STX16: variants seen among roughly 807,000 people sequenced by gnomAD.
The protein encoded by STX16 is syntaxin-16.
In STX16, 28 loss-of-function variants were observed where a neutral mutation model predicts 42.7. The ratio of observed to expected loss-of-function variants is 0.66; its 90% CI spans 0.49 to 0.90. The LOEUF is 0.90. Among genes scored for constraint, STX16 ranks in the 40% least tolerant of loss-of-function variants. STX16 has a pLI of 0.00. For missense variants in STX16, 361 were observed against 420.9 expected (o/e 0.86, Z 1.24); for synonymous variants, 156 against 155.2 (o/e 1.00, Z -0.04).
chr20:58,670,453 T>C (rs2083941217), intron 5 of STX16, 59 bp from the exon 6 acceptor site: 7 of 1,364,538 alleles, frequency 5.1e-6, no homozygotes, highest in South Asian at 4.7e-5. Context: ...CTTTTAATGG[T>C]AGAACAATAC....
chr20:58,656,002 A>T (rs1452346185), intron 1 of STX16, among the ~76,000 whole-genome samples: 3 of 152,136 alleles, frequency 2.0e-5, no homozygotes, highest in Non-Finnish European at 4.4e-5. Context: ...GTGCCCCATC[A>T]CGTTCATGCC....
intron 2 of STX16, among the ~76,000 whole-genome samples, chr20:58,661,045 G>A (rs896803938): frequency 1.2e-4 from 18 of 152,094 alleles, no homozygotes; most frequent in African/African-American, 4.3e-4. Flanking sequence ...CCAGCTCCCC[G>A]CCTGGGCACG....
chr20:58,669,512 C>T, intron 5 of STX16, 59 bp downstream of exon 5: 1 of 1,541,804 alleles, frequency 6.5e-7, no homozygotes, highest in Non-Finnish European at 8.7e-7. Flanking sequence ...TTTATGTTTT[C>T]TTTTTTGCCA....
intron 4 of STX16, 45 bp from the exon 5 acceptor site, chr20:58,669,246 G>T (rs375313808): frequency 1.8e-5 from 28 of 1,597,828 alleles, no homozygotes; most frequent in African/African-American, 1.6e-4. Flanking sequence ...TAGCAGAGGG[G>T]CTTCTCTCCC....
intron 2 of STX16, among the ~76,000 whole-genome samples, chr20:58,661,086 A>AG (rs1024045937): frequency 6.6e-6 from 1 of 151,984 alleles, no homozygotes; most frequent in Admixed American, 6.6e-5. Context: ...GGGCTTGGAG[A>AG]GCAGGCGTTC....
In STX16 at chr20:58,651,525, G is replaced by A. The variant is rs1220385097; in HGVS notation, c.-482G>A. 4 of 158,888 alleles carry A rather than the reference G, an allele frequency of 2.5e-5. No homozygotes were observed. Among genetic ancestry groups the A allele is most frequent in the African/African-American group, 9.6e-5 (4 of 41,504 alleles). The allele number at this position is 158,888 out of a possible 1,614,324, so 9.8% of individuals were successfully genotyped here. On this transcript the variant is annotated 5_prime_UTR_variant, in exon 1 of 9. Transcript: ENST00000371141. ...GTTGTCCAAAGAGGGCCTAGGCCAG[G>A]CCTCTGGTGCGGAAACTGAGTCACA...
At chr20:58,653,021 C>A (rs2083506448) in intron 1 of STX16, among the ~76,000 whole-genome samples, 1 of 152,154 alleles carries the variant, frequency 6.6e-6, no homozygotes, top group Non-Finnish European at 1.5e-5. Context: ...AGGGGCGAGT[C>A]TGGATGATCT....
At chr20:58,667,354 G>T in intron 2 of STX16, 136 bp from the exon 3 acceptor site, 1 of 778,456 alleles carries the variant, frequency 1.3e-6, no homozygotes. Context: ...TATTTTCAGG[G>T]AGCAACATTT....
At position 58,671,301 on chromosome 20, in the gene STX16, C is replaced by T. The variant is rs1177402816; in HGVS notation, c.792+4C>T. ...AGGGGCGATGATTGTAGAACAGGTACGTGAGCTGGCCTTCCTCGTGAATAG... is the reference window on the plus strand; with the variant it reads ...AGGGGCGATGATTGTAGAACAGGTATGTGAGCTGGCCTTCCTCGTGAATAG... On this transcript the variant is annotated splice_donor_region_variant and intron_variant, in intron 7 of 8. Coordinates refer to ENST00000371141, the MANE Select transcript of STX16 (RefSeq NM_001001433.3). 3.1e-6 allele frequency: 5 copies of T among 1,602,376 alleles called. No individual in the cohort carries two copies. The highest frequency in any genetic ancestry group is 1.7e-5 in the Admixed American group (1 of 59,464).
chr20:58,671,114 G>A (rs2083957894), intron 6 of STX16, 40 bp from the exon 7 acceptor site: 2 of 1,557,016 alleles, frequency 1.3e-6, no homozygotes. Flanking sequence ...TCCTGAGAGG[G>A]AAAACAATCT....
At chr20:58,659,933 A>C (rs953851167) in intron 2 of STX16, among the ~76,000 whole-genome samples, 1 of 152,238 alleles carries the variant, frequency 6.6e-6, no homozygotes, top group Non-Finnish European at 1.5e-5. Flanking sequence ...GAATGTTTTG[A>C]GAATTAATGT....
chr20:58,653,417 G>T (rs527304078), intron 1 of STX16, among the ~76,000 whole-genome samples: 1 of 152,254 alleles, frequency 6.6e-6, no homozygotes, highest in Admixed American at 6.5e-5. Context: ...CCGTGTGAGC[G>T]GTTTCAGGAA....
chr20:58,660,489 A>G lies in STX16; in HGVS notation c.144+855A>G, dbSNP rs533290599. 2.6e-5 allele frequency among the ~76,000 whole-genome samples: 4 copies of G among 152,274 alleles called. No individual in the cohort carries two copies. The East Asian group carries it at 7.7e-4, about 29-fold the overall frequency. The stretch of plus-strand genomic sequence containing the variant: ...CTAACTAGTAGATTCAGATCTACCT[A>G]TATATTCTAAAAACCTTAACTAGTT... On this transcript the variant is annotated intron_variant, in intron 2 of 8. Coordinates refer to ENST00000371141, the MANE Select transcript of STX16 (RefSeq NM_001001433.3).
Position 58,676,298 on chromosome 20 carries a change from T to C in STX16, c.*7T>C, listed in dbSNP as rs1219324166. 2.5e-6 allele frequency: 4 copies of C among 1,613,098 alleles called. No homozygotes were observed. In the African/African-American group the frequency reaches 4.0e-5, roughly 16 times the overall value. ...TGGCGTGAAGTCTCGATAAGTGGCATTGGGTTTTCGTGTGTGCCGCGCGTG... is the reference window on the plus strand; with the variant it reads ...TGGCGTGAAGTCTCGATAAGTGGCACTGGGTTTTCGTGTGTGCCGCGCGTG... On this transcript the variant is annotated 3_prime_UTR_variant, in exon 9 of 9. Coordinates refer to ENST00000371141, the MANE Select transcript of STX16 (RefSeq NM_001001433.3).
Position 58,677,400 on chromosome 20 carries a change from C to G in STX16, c.*1109C>G, listed in dbSNP as rs908418591. Reference sequence around the variant, plus strand: ...AATGCCCAGGAAGCAGGCACATTGCCAAGGACTGGGGGCATCTTGACTAGG... The same window carrying G: ...AATGCCCAGGAAGCAGGCACATTGCGAAGGACTGGGGGCATCTTGACTAGG... On this transcript the variant is annotated 3_prime_UTR_variant, in exon 9 of 9. Transcript: ENST00000371141. 5 of 152,638 alleles carry G rather than the reference C, an allele frequency of 3.3e-5. No homozygotes were observed. Among genetic ancestry groups the G allele is most frequent in the Admixed American group, 2.0e-4 (3 of 15,290 alleles). 9.5% of individuals were successfully genotyped at this position (152,638 alleles called of 1,614,324 possible).
chr20:58,669,230 C>A, intron 4 of STX16, 61 bp from the exon 5 acceptor site: 1 of 1,556,974 alleles, frequency 6.4e-7, no homozygotes, highest in Non-Finnish European at 8.7e-7. Context: ...TGTGATGTGG[C>A]AGTGTTAGCA....
Position 58,651,850 on chromosome 20 carries a change from G to A in STX16, c.-157G>A, listed in dbSNP as rs1227942157. 1.4e-6 allele frequency: 1 copy of A among 732,652 alleles called. No individual in the cohort carries two copies. Among genetic ancestry groups the A allele is most frequent in the African/African-American group, 1.7e-5 (1 of 57,162 alleles). The allele number at this position is 732,652 out of a possible 1,614,324, so 45.4% of individuals were successfully genotyped here. ...TGGGGAGGGGTCTCTACGCCTTGGC[G>A]AAGCGCACAGCTGCATCTTTTTGGC... On this transcript the variant is annotated 5_prime_UTR_variant, in exon 1 of 9. Coordinates refer to ENST00000371141, the MANE Select transcript of STX16 (RefSeq NM_001001433.3).
intron 1 of STX16, among the ~76,000 whole-genome samples, chr20:58,659,151 C>G (rs2083642564): frequency 6.6e-6 from 1 of 152,128 alleles, no homozygotes. Flanking sequence ...AATTTTGTTG[C>G]ATTTGCAGGT....
Position 58,677,914 on chromosome 20 carries a change from C to T in STX16, c.*1623C>T, listed in dbSNP as rs1487051052. On this transcript the variant is annotated 3_prime_UTR_variant, in exon 9 of 9. Transcript: ENST00000371141. ...TGATGTGGCTGTGGAATGATAAGGT[C>T]CTAGAGGGGCCCTGGCATTTCAGGA... 6.6e-6 allele frequency: 1 copy of T among 152,136 alleles called. No homozygotes were observed. The highest frequency in any genetic ancestry group is 1.5e-5 in the Non-Finnish European group (1 of 68,046). The allele number at this position is 152,136 out of a possible 1,614,324, so 9.4% of individuals were successfully genotyped here.
Sources: gnomAD v4.1 joint callset for allele counts (sites outside exome capture counted in the v4.1 genomes callset) on GRCh38, gnomAD v4.1.1 for gene constraint, MANE v1.5 for transcripts, NCBI Gene and HGNC (gene_info 2026-07-23, HGNC 2026-07-21) for gene names.